The following FAM227B variants were observed in gnomAD, a reference collection of about 807,000 sequenced individuals.
FAM227B encodes the protein protein FAM227B.
A neutral mutation model predicts 73.8 loss-of-function variants in FAM227B; 88 were observed. That is an observed-to-expected ratio of 1.19 (90% CI 1.00 to 1.42). FAM227B has a LOEUF of 1.42. FAM227B is among the 40% of genes most tolerant of loss of function. The probability of loss-of-function intolerance (pLI) is 0.00; values close to 1 mark genes in which losing one functional copy is unlikely to be tolerated. For missense variants in FAM227B, 632 were observed against 590.9 expected, an observed-to-expected ratio of 1.07 and a Z score of -0.72; for synonymous variants, 210 against 190.5, an observed-to-expected ratio of 1.10 and a Z score of -0.84.
intron 2 of FAM227B, among the ~76,000 whole-genome samples, chr15:49,612,223 C>T (rs1206300259): frequency 6.6e-6 from 1 of 152,088 alleles, no homozygotes; most frequent in African/African-American, 2.4e-5. Context: ...GGTATATCTC[C>T]TAATGCTATC....
chr15:49,395,920 C>T (rs930942913), intron 11 of FAM227B: 17 of 455,778 alleles, frequency 3.7e-5, no homozygotes, highest in Non-Finnish European at 5.3e-5. Flanking sequence ...TAATTTAAGG[C>T]CCATGAATGC....
chr15:49,614,610 T>C (rs527838855), intron 2 of FAM227B, among the ~76,000 whole-genome samples: 234 of 152,316 alleles, frequency 1.5e-3, no homozygotes, highest in Non-Finnish European at 1.7e-3. Context: ...GTCTTAAAAC[T>C]TGAGAAAGTT....
intron 2 of FAM227B, among the ~76,000 whole-genome samples, chr15:49,611,977 T>C (rs551545989): frequency 2.0e-5 from 3 of 151,910 alleles, no homozygotes; most frequent in Admixed American, 6.6e-5. Flanking sequence ...CGTGGTAACA[T>C]ACAGCAGATT....
chr15:49,608,742 GAC>G (rs2077687188), intron 3 of FAM227B, among the ~76,000 whole-genome samples: 1 of 151,850 alleles, frequency 6.6e-6, no homozygotes, highest in South Asian at 2.1e-4. Context: ...GTACTCTTCA[GAC>G]ACAGATTACG....
chr15:49,572,706 T>C (rs2075191640), intron 8 of FAM227B, among the ~76,000 whole-genome samples: 1 of 152,104 alleles, frequency 6.6e-6, no homozygotes, highest in Non-Finnish European at 1.5e-5. Flanking sequence ...GAAACTGAGG[T>C]ATATAATATT....
At chr15:49,508,479 T>A in intron 10 of FAM227B, 131 bp from the exon 11 acceptor site, 1 of 677,872 alleles carries the variant, frequency 1.5e-6, no homozygotes, top group Non-Finnish European at 2.3e-6. Context: ...TTGTTCCTTT[T>A]AAGCTGCGTA....
chr15:49,547,961 T>C (rs947698742), intron 9 of FAM227B, among the ~76,000 whole-genome samples: 1 of 152,220 alleles, frequency 6.6e-6, no homozygotes, highest in African/African-American at 2.4e-5. Context: ...AATTATGCCC[T>C]AGAACAAATG....
At chr15:49,417,426 A>G (rs2049291900) in intron 11 of FAM227B, among the ~76,000 whole-genome samples, 1 of 152,090 alleles carries the variant, frequency 6.6e-6, no homozygotes. Flanking sequence ...TTCAAACTAT[A>G]CTATAAGGCT....
intron 10 of FAM227B, among the ~76,000 whole-genome samples, chr15:49,526,663 GC>G (rs1368636710): frequency 6.6e-6 from 1 of 151,738 alleles, no homozygotes; most frequent in East Asian, 1.9e-4. Context: ...GATTTGCCAA[GC>G]AAAAAAGAAA....
At chr15:49,596,230 T>C (rs766812318) in intron 3 of FAM227B, among the ~76,000 whole-genome samples, 7 of 151,976 alleles carry the variant, frequency 4.6e-5, no homozygotes, top group Admixed American at 2.6e-4. Flanking sequence ...TCAGGTAACC[T>C]ATAGAGGAAA....
At chr15:49,333,278 CTCTCA>C (rs1169356943) in intron 14 of FAM227B, among the ~76,000 whole-genome samples, 1 of 152,174 alleles carries the variant, frequency 6.6e-6, no homozygotes, top group Non-Finnish European at 1.5e-5. Flanking sequence ...ATTGCCTTTC[CTCTCA>C]TGAGTATCTC....
intron 11 of FAM227B, among the ~76,000 whole-genome samples, chr15:49,477,546 G>A (rs1242456570): frequency 6.6e-6 from 1 of 152,154 alleles, no homozygotes; most frequent in African/African-American, 2.4e-5. Context: ...ATATTCCAGT[G>A]TATACGTGTA....
chr15:49,455,720 A>G (rs941799717), intron 11 of FAM227B, among the ~76,000 whole-genome samples: 4 of 152,198 alleles, frequency 2.6e-5, no homozygotes, highest in African/African-American at 9.6e-5. Context: ...CATCAAATGT[A>G]TGCTATTTTC....
intron 11 of FAM227B, among the ~76,000 whole-genome samples, chr15:49,438,977 T>G (rs1037152083): frequency 2.0e-5 from 3 of 151,590 alleles, no homozygotes; most frequent in Non-Finnish European, 4.4e-5. Flanking sequence ...AAAACAGTAT[T>G]TATTATCTTG....
intron 4 of FAM227B, 35 bp downstream of exon 4, chr15:49,589,741 C>T: frequency 7.7e-7 from 1 of 1,297,598 alleles, no homozygotes; most frequent in Non-Finnish European, 1.1e-6. Flanking sequence ...AGTGAGACTC[C>T]ATTTCTATAA....
intron 10 of FAM227B, 142 bp from the exon 11 acceptor site, chr15:49,508,490 GGATTA>G (rs1400857872): frequency 2.3e-5 from 14 of 597,284 alleles, no homozygotes; most frequent in Middle Eastern, 4.8e-4. Context: ...AAGCTGCGTA[GGATTA>G]GATAAGTCAT....
At chr15:49,490,379 T>G (rs1300667845) in intron 11 of FAM227B, among the ~76,000 whole-genome samples, 1 of 152,016 alleles carries the variant, frequency 6.6e-6, no homozygotes, top group Non-Finnish European at 1.5e-5. Flanking sequence ...AAAATATATT[T>G]CAGATCATGC....
intron 1 of FAM227B, among the ~76,000 whole-genome samples, chr15:49,619,381 G>A (rs1567720918): frequency 6.6e-6 from 1 of 152,164 alleles, no homozygotes; most frequent in Non-Finnish European, 1.5e-5. Flanking sequence ...TTGAGGCAAG[G>A]TCAGAAAAGG....
chr15:49,382,570 A>G (rs1418198833), intron 11 of FAM227B, among the ~76,000 whole-genome samples: 1 of 152,106 alleles, frequency 6.6e-6, no homozygotes, highest in Non-Finnish European at 1.5e-5. Context: ...AGTAGCATGC[A>G]ATTTAAGTGT....
Sources: allele counts gnomAD v4.1 joint callset (sites outside exome capture counted in the v4.1 genomes callset), GRCh38; gene constraint gnomAD v4.1.1; transcripts MANE v1.5; gene names NCBI Gene and HGNC (gene_info 2026-07-23, HGNC 2026-07-21).